The following AGFG2 variants were observed in gnomAD, a reference collection of about 807,000 sequenced individuals.
The protein encoded by AGFG2 is ArfGAP with FG repeats 2.
Under a neutral mutation model 48.0 loss-of-function variants are expected in AGFG2, and 31 were observed. That is an observed-to-expected ratio of 0.65 (90% CI 0.49 to 0.87). The LOEUF (loss-of-function observed/expected upper bound fraction) is 0.87. Ranked by LOEUF, AGFG2 falls within the 40% of genes least tolerant of loss-of-function variation. AGFG2 has a pLI of 0.00. For synonymous variants in AGFG2, 229 were observed against 260.8 expected, an observed-to-expected ratio of 0.88 and a Z score of 1.18; for missense variants, 599 against 632.6, an observed-to-expected ratio of 0.95 and a Z score of 0.57.
intron 3 of AGFG2, among the ~76,000 whole-genome samples, chr7:100,551,741 G>A (rs1283657279): frequency 6.7e-6 from 1 of 149,832 alleles, no homozygotes; most frequent in Admixed American, 6.7e-5. Flanking sequence ...AAAAAAATTA[G>A]CTGGGTGTGG....
chr7:100,564,869 CCTTT>C, intron 11 of AGFG2, 59 bp from the exon 12 acceptor site: 1 of 1,572,728 alleles, frequency 6.4e-7, no homozygotes, highest in Non-Finnish European at 8.8e-7. Context: ...CTCCTGGCTG[CCTTT>C]CTTCTAAGCT....
chr7:100,564,916 T>C lies in AGFG2; in HGVS notation c.1387-16T>C, dbSNP rs1263323273. ...CCTCTCCCCTAACTGGAAAATGTAT[T>C]GTTCTTTCTTTCCAGACTGGACCCT... is the stretch of plus-strand genomic sequence containing the variant. On this transcript the variant is annotated splice_polypyrimidine_tract_variant and intron_variant, in intron 11 of 11. Transcript: ENST00000300176. 1 of 1,613,624 alleles carries C rather than the reference T, an allele frequency of 6.2e-7. No individual in the cohort carries two copies. The highest frequency in any genetic ancestry group is 8.5e-7 in the Non-Finnish European group (1 of 1,179,566).
intron 1 of AGFG2, among the ~76,000 whole-genome samples, chr7:100,542,027 T>A (rs904160801): frequency 1.3e-5 from 2 of 152,150 alleles, no homozygotes; most frequent in Admixed American, 1.3e-4. Context: ...TTCTTTTTTC[T>A]TTTTTTGAGA....
chr7:100,561,888 A>G lies in AGFG2; in HGVS notation c.878-371A>G, dbSNP rs185135502. Among the ~76,000 whole-genome samples, 45 of 152,204 alleles carry G rather than the reference A, an allele frequency of 3.0e-4. 1 individual carries two copies. Among genetic ancestry groups the G allele is most frequent in the Non-Finnish European group, 4.4e-5 (3 of 67,992 alleles). ...GCCCCTCCCTGCCATGTTCTGATAA[A>G]TGGAAATGCGGGCTTGAGGAAAGGA... On this transcript the variant is annotated intron_variant, in intron 6 of 11. Coordinates refer to ENST00000300176, the MANE Select transcript of AGFG2 (RefSeq NM_006076.5).
At chr7:100,540,558 C>A (rs925741053) in intron 1 of AGFG2, among the ~76,000 whole-genome samples, 1 of 152,154 alleles carries the variant, frequency 6.6e-6, no homozygotes, top group African/African-American at 2.4e-5. Context: ...CTCCCCTCTG[C>A]ACTCCTCCTA....
chr7:100,562,038 C>T lies in AGFG2; in HGVS notation c.878-221C>T, dbSNP rs979556781. On this transcript the variant is annotated intron_variant, in intron 6 of 11. Coordinates refer to ENST00000300176, the MANE Select transcript of AGFG2 (RefSeq NM_006076.5). The surrounding 1 kb of genome is among the most constrained non-coding windows in gnomAD (Gnocchi z 5.4). ...AGCGCAGCTTTGAGCGCAGGGGACA[C>T]GGAGAAGGGCTGGGCTGTCACCTTG... is the stretch of plus-strand genomic sequence containing the variant. Among the ~76,000 whole-genome samples, 3 of 151,982 alleles carry T rather than the reference C, an allele frequency of 2.0e-5. No homozygotes were observed. The highest frequency in any genetic ancestry group is 2.9e-5 in the Non-Finnish European group (2 of 67,988).
At chr7:100,557,971 T>C (rs1800790054) in intron 6 of AGFG2, among the ~76,000 whole-genome samples, 1 of 151,944 alleles carries the variant, frequency 6.6e-6, no homozygotes, top group Non-Finnish European at 1.5e-5. Flanking sequence ...CCCAGCAGTT[T>C]GGGAAGCTGA....
At chr7:100,560,808 CTTTTTTTTTTTT>C (rs66837050) in intron 6 of AGFG2, among the ~76,000 whole-genome samples, 1 of 112,838 alleles carries the variant, frequency 8.9e-6, no homozygotes, top group East Asian at 2.2e-4. Context: ...GAAGATCTCC[CTTTTTTTTTTTT>C]TTTTTTTTTG....
At chr7:100,550,123 A>T (rs1800597535) in intron 2 of AGFG2, among the ~76,000 whole-genome samples, 1 of 152,136 alleles carries the variant, frequency 6.6e-6, no homozygotes, top group African/African-American at 2.4e-5. Flanking sequence ...CCTGGCCAAC[A>T]TGGTGAAACC....
Position 100,562,718 on chromosome 7 carries a change from C to T in AGFG2, c.1087+36C>T. The T allele has an allele frequency of 6.3e-7, 1 of 1,596,300 alleles. No homozygotes were observed. The highest frequency in any genetic ancestry group is 8.5e-7 in the Non-Finnish European group (1 of 1,173,150). ...CCTGTGGAGACCCAGGGGAGGGGAC[C>T]TGAGGCCAGGAGGAGTCTAAGGACT... is the stretch of plus-strand genomic sequence containing the variant. On this transcript the variant is annotated intron_variant, in intron 8 of 11. Coordinates refer to ENST00000300176, the MANE Select transcript of AGFG2 (RefSeq NM_006076.5). The surrounding 1 kb of genome is among the most constrained non-coding windows in gnomAD (Gnocchi z 5.4).
At position 100,550,516 on chromosome 7, in the gene AGFG2, G is replaced by A. The variant is rs1800609331; in HGVS notation, c.431+5G>A. ...AAAATATGAGAAGAAGAGATGGTAA[G>A]GAGTAGGAAAGAGGTTGCTATGGAA... On this transcript the variant is annotated splice_donor_5th_base_variant and intron_variant, in intron 3 of 11. Coordinates refer to ENST00000300176, the MANE Select transcript of AGFG2 (RefSeq NM_006076.5). 6.3e-7 allele frequency: 1 copy of A among 1,599,344 alleles called. No individual in the cohort carries two copies. Among genetic ancestry groups the A allele is most frequent in the African/African-American group, 1.3e-5 (1 of 74,530 alleles).
At chr7:100,544,020 G>A (rs1313354622) in intron 1 of AGFG2, among the ~76,000 whole-genome samples, 1 of 152,152 alleles carries the variant, frequency 6.6e-6, no homozygotes, top group East Asian at 1.9e-4. Context: ...AAAAATTGCT[G>A]CTAAAAAGCA....
At position 100,564,586 on chromosome 7, in the gene AGFG2, C is replaced by T. The variant is rs530880434; in HGVS notation, c.1386+283C>T. On this transcript the variant is annotated intron_variant, in intron 11 of 11. Transcript: ENST00000300176. ...AGGCCCAATCTCAGCTCACCGCAAC[C>T]TCTACCTCCTGAGTTCAAGCAATTC... Among the ~76,000 whole-genome samples the T allele has an allele frequency of 2.6e-5, 4 of 151,982 alleles. No homozygotes were observed. The East Asian group carries it at 7.7e-4, about 29-fold the overall frequency.
intron 6 of AGFG2, among the ~76,000 whole-genome samples, chr7:100,557,000 T>A (rs1562794335): frequency 6.6e-6 from 1 of 152,038 alleles, no homozygotes; most frequent in Non-Finnish European, 1.5e-5. Context: ...GAGTTTGACA[T>A]AAGCCTGGCC....
At chr7:100,551,503 C>T (rs1235520511) in intron 3 of AGFG2, among the ~76,000 whole-genome samples, 1 of 151,630 alleles carries the variant, frequency 6.6e-6, no homozygotes, top group African/African-American at 2.4e-5. Context: ...CCGTGCCCGG[C>T]CTTGTTTCAT....
chr7:100,567,605 G>A lies in AGFG2; in HGVS notation c.*2614G>A, dbSNP rs1423302082. The A allele has an allele frequency of 6.6e-6, 1 of 152,618 alleles. No individual in the cohort carries two copies. Among genetic ancestry groups the A allele is most frequent in the African/African-American group, 2.4e-5 (1 of 41,458 alleles). 9.5% of individuals were successfully genotyped at this position (152,618 alleles called of 1,614,324 possible). On this transcript the variant is annotated 3_prime_UTR_variant, in exon 12 of 12. Transcript: ENST00000300176. Reference sequence around the variant, plus strand: ...AGGGCTGAGGGTAGGGGCTGAATGTGTGGCTCTGTCCCTGTGTTGCCTTCC... The same window carrying A: ...AGGGCTGAGGGTAGGGGCTGAATGTATGGCTCTGTCCCTGTGTTGCCTTCC...
intron 3 of AGFG2, 112 bp downstream of exon 3, chr7:100,550,623 G>A (rs888021696): frequency 8.1e-6 from 6 of 739,700 alleles, no homozygotes; most frequent in East Asian, 2.7e-5. Flanking sequence ...GACTTGGGTC[G>A]ATTCTGTTCC....
chr7:100,554,840 A>C (rs1008078036), intron 5 of AGFG2, among the ~76,000 whole-genome samples: 1 of 151,082 alleles, frequency 6.6e-6, no homozygotes, highest in African/African-American at 2.4e-5. Flanking sequence ...TGGGAGGCTA[A>C]GGCAGGAGAA....
At chr7:100,541,989 G>A (rs1224859584) in intron 1 of AGFG2, among the ~76,000 whole-genome samples, 1 of 151,992 alleles carries the variant, frequency 6.6e-6, no homozygotes. Flanking sequence ...AGAAAGCTAA[G>A]GTATCTGGGA....
Sources: gnomAD v4.1 joint callset for allele counts (sites outside exome capture counted in the v4.1 genomes callset) on GRCh38, gnomAD v4.1.1 for gene constraint, Gnocchi (gnomAD v3.1) non-coding constraint, MANE v1.5 for transcripts, NCBI Gene and HGNC (gene_info 2026-07-23, HGNC 2026-07-21) for gene names.